DHRSX: variants seen among roughly 807,000 people sequenced by gnomAD.
The protein encoded by DHRSX is dehydrogenase/reductase X-linked, also known as polyprenol dehydrogenase.
In DHRSX, 31 loss-of-function variants were observed where a neutral mutation model predicts 34.0. The ratio of observed to expected loss-of-function variants is 0.91; its 90% CI spans 0.69 to 1.23. The LOEUF is 1.23. Among genes scored for constraint, DHRSX ranks in the 50% most tolerant of loss-of-function variants. The probability of loss-of-function intolerance (pLI) is 0.00; values close to 1 mark genes in which losing one functional copy is unlikely to be tolerated. For missense variants in DHRSX, 414 were observed against 428.1 expected (o/e 0.97, Z 0.29); for synonymous variants, 201 against 183.8 (o/e 1.09, Z -0.76).
At chrX:2,342,042 G>A (rs2042647233) in intron 3 of DHRSX, among the ~76,000 whole-genome samples, 1 of 152,086 alleles carries the variant, frequency 6.6e-6, no homozygotes, top group African/African-American at 2.4e-5. Flanking sequence ...CTGACCTCAG[G>A]TGATCTGTCC....
At chrX:2,347,019 T>C (rs2042727509) in intron 3 of DHRSX, among the ~76,000 whole-genome samples, 2 of 152,214 alleles carry the variant, frequency 1.3e-5, no homozygotes, top group African/African-American at 4.8e-5. Context: ...ATGGTGTCTC[T>C]GTGCCATATT....
At chrX:2,383,083 GCAT>G (rs1440161152) in intron 3 of DHRSX, among the ~76,000 whole-genome samples, 12 of 141,934 alleles carry the variant, frequency 8.5e-5, no homozygotes, top group African/African-American at 3.2e-4. Flanking sequence ...AGCAGCAGCA[GCAT>G]CACCACCATC....
At chrX:2,229,893 ATGTG>A (rs1207013443) in intron 6 of DHRSX, among the ~76,000 whole-genome samples, 6 of 152,040 alleles carry the variant, frequency 3.9e-5, no homozygotes, top group Admixed American at 6.5e-5. Flanking sequence ...GTATATGGAT[ATGTG>A]TGAGTACATG....
rs778057545 is a variant in DHRSX, at chrX:2,334,170, C to CTTTTTTTTTTTTTTTTTTTTTTTTTT, written c.287-42568_287-42567insAAAAAAAAAAAAAAAAAAAAAAAAAA. ...TCTGTTGTTTTAACTCAAAAGTATG[C>CTTTTTTTTTTTTTTTTTTTTTTTTTT]TTTTTTTTTTTGAGACACAGTCTTA... On this transcript the variant is annotated intron_variant, in intron 3 of 6. Transcript: ENST00000334651. The CTTTTTTTTTTTTTTTTTTTTTTTTTT allele has an allele frequency of 6.7e-5, 7 of 105,112 alleles. 2 individuals carry two copies. The highest frequency in any genetic ancestry group is 2.9e-4 in the African/African-American group (7 of 24,194). The allele number at this position is 105,112 out of a possible 1,614,324, so 6.5% of individuals were successfully genotyped here. A position where few individuals can be genotyped will look rare whatever the true frequency, so the allele number is the denominator to read the frequency against.
intron 3 of DHRSX, among the ~76,000 whole-genome samples, chrX:2,361,195 C>A (rs2042930121): frequency 6.6e-6 from 1 of 152,124 alleles, no homozygotes; most frequent in Admixed American, 6.6e-5. Context: ...ACTGCAACCT[C>A]CACCTCCCGG....
Position 2,243,372 on chromosome X carries a change from G to A in DHRSX, c.597-142C>T, listed in dbSNP as rs748147661. On this transcript the variant is annotated intron_variant, in intron 5 of 6. Transcript: ENST00000334651. ...AGACCCATGTGTGATCATGCCATCT[G>A]TTGGCCAGTTTTCCAACGCGTGTGG... The A allele has an allele frequency of 3.6e-4, 236 of 664,658 alleles. 1 individual carries two copies. In the African/African-American group the frequency reaches 3.8e-3, roughly 11 times the overall value. 41.2% of individuals were successfully genotyped at this position (664,658 alleles called of 1,614,324 possible). A position where few individuals can be genotyped will look rare whatever the true frequency, so the allele number is the denominator to read the frequency against.
At chrX:2,468,490 C>T (rs1407314075) in intron 1 of DHRSX, among the ~76,000 whole-genome samples, 2 of 127,352 alleles carry the variant, frequency 1.6e-5, no homozygotes, top group East Asian at 3.0e-4. Context: ...TACACAGACA[C>T]GGACACTCAG....
chrX:2,427,014 A>G (rs1244790861), intron 1 of DHRSX, among the ~76,000 whole-genome samples: 1 of 152,232 alleles, frequency 6.6e-6, no homozygotes, highest in Non-Finnish European at 1.5e-5. Context: ...CCTGGGAAAG[A>G]TACCAACCAC....
intron 1 of DHRSX, among the ~76,000 whole-genome samples, chrX:2,477,518 G>A (rs1369108373): frequency 3.3e-5 from 5 of 152,172 alleles, no homozygotes; most frequent in Non-Finnish European, 7.3e-5. Context: ...GGTGGAAACA[G>A]TTTATCTGTG....
intron 3 of DHRSX, among the ~76,000 whole-genome samples, chrX:2,405,169 A>G (rs2043536460): frequency 6.6e-6 from 1 of 152,172 alleles, no homozygotes; most frequent in Non-Finnish European, 1.5e-5. Context: ...AGCTCTGTGT[A>G]GCGTTCATTT....
intron 1 of DHRSX, among the ~76,000 whole-genome samples, chrX:2,441,242 C>CAAG (rs1449136756): frequency 3.9e-5 from 6 of 152,116 alleles, no homozygotes; most frequent in Admixed American, 6.6e-5. Flanking sequence ...TCACAAGGAG[C>CAAG]AAGAAGAACA....
intron 3 of DHRSX, among the ~76,000 whole-genome samples, chrX:2,321,357 G>A (rs1285597900): frequency 6.6e-6 from 1 of 152,086 alleles, no homozygotes; most frequent in Non-Finnish European, 1.5e-5. Context: ...GGGAAGAGGC[G>A]TTGGTGTCCC....
At chrX:2,492,783 C>T (rs772744317) in intron 1 of DHRSX, among the ~76,000 whole-genome samples, 13 of 152,300 alleles carry the variant, frequency 8.5e-5, no homozygotes, top group Non-Finnish European at 1.5e-4. Context: ...CCGGAGGGAG[C>T]GCAGCCCTGA....
rs1249657559 is a variant in DHRSX at position 2,375,741 on chromosome X, T to C, written c.286+33004A>G. Among the ~76,000 whole-genome samples the C allele has an allele frequency of 1.5e-5, 2 of 136,590 alleles. 1 individual carries two copies. The highest frequency in any genetic ancestry group is 3.5e-5 in the Non-Finnish European group (2 of 57,856). The allele number at this position is 136,590 out of a possible 152,430, so 89.6% of individuals were successfully genotyped here. A position where few individuals can be genotyped will look rare whatever the true frequency, so the allele number is the denominator to read the frequency against. Reference sequence around the variant, plus strand: ...TCCGCCTCCTAGGTTCAAGTGATTCTCCTGCCTCAGCCTCCTCAGTAGCTA... The same window carrying C: ...TCCGCCTCCTAGGTTCAAGTGATTCCCCTGCCTCAGCCTCCTCAGTAGCTA... On this transcript the variant is annotated intron_variant, in intron 3 of 6. Transcript: ENST00000334651.
At chrX:2,476,291 C>T in intron 1 of DHRSX, among the ~76,000 whole-genome samples, 1 of 151,854 alleles carries the variant, frequency 6.6e-6, no homozygotes, top group East Asian at 1.9e-4. Flanking sequence ...CCAGCTACTC[C>T]AGAGGCTAAC....
chrX:2,434,535 G>A (rs1394059437), intron 1 of DHRSX, among the ~76,000 whole-genome samples: 2 of 152,166 alleles, frequency 1.3e-5, no homozygotes, highest in African/African-American at 4.8e-5. Flanking sequence ...GCCAGACGTG[G>A]TGATGCTCGC....
chrX:2,315,562 G>C (rs35782308), intron 3 of DHRSX, among the ~76,000 whole-genome samples: 106,902 of 151,852 alleles, frequency 0.7, 38,462 homozygotes, highest in Middle Eastern at 0.77. Context: ...GTCTGCAGAA[G>C]TTGCCTCCCT....
chrX:2,378,040 G>A (rs1179832913), intron 3 of DHRSX, among the ~76,000 whole-genome samples: 2 of 152,092 alleles, frequency 1.3e-5, no homozygotes, highest in African/African-American at 4.8e-5. Flanking sequence ...GCCCGGCCGT[G>A]TGCACACAAT....
intron 1 of DHRSX, among the ~76,000 whole-genome samples, chrX:2,460,832 C>G (rs1237326429): frequency 6.6e-6 from 1 of 152,082 alleles, no homozygotes; most frequent in Non-Finnish European, 1.5e-5. Context: ...ATCCTACTGA[C>G]TTAGCCTCCC....
Sources: allele counts gnomAD v4.1 joint callset (sites outside exome capture counted in the v4.1 genomes callset), GRCh38; gene constraint gnomAD v4.1.1; transcripts MANE v1.5; gene names NCBI Gene and HGNC (gene_info 2026-07-23, HGNC 2026-07-21).